The following SLC39A14 variants were observed in gnomAD, a reference collection of about 807,000 sequenced individuals.
SLC39A14 encodes solute carrier family 39 member 14, also known as metal cation symporter ZIP14.
In SLC39A14, 19 loss-of-function variants were observed where a neutral mutation model predicts 45.5. The ratio of observed to expected loss-of-function variants is 0.42; its 90% CI spans 0.29 to 0.61. The LOEUF (loss-of-function observed/expected upper bound fraction) is 0.61. SLC39A14 is among the 20% of genes least tolerant of loss of function. The pLI, the probability that SLC39A14 is intolerant of heterozygous loss-of-function variation, is 0.22. For missense variants in SLC39A14, 447 were observed against 616.5 expected, an observed-to-expected ratio of 0.73 and a Z score of 2.91; for synonymous variants, 264 against 251.3, an observed-to-expected ratio of 1.05 and a Z score of -0.48.
At chr8:22,414,593 A>G (rs1835764456) in intron 4 of SLC39A14, among the ~76,000 whole-genome samples, 187 bp from the exon 5 acceptor site, 1 of 152,212 alleles carries the variant, frequency 6.6e-6, no homozygotes. Flanking sequence ...TGGCAGGTTT[A>G]GTGATGTCAC....
At chr8:22,381,598 C>T (rs139940601) in intron 1 of SLC39A14, among the ~76,000 whole-genome samples, 82 of 152,270 alleles carry the variant, frequency 5.4e-4, no homozygotes, top group Admixed American at 1.9e-3. Context: ...CAAGAAAACA[C>T]GGCTGTATAT....
At chr8:22,415,056 T>G in intron 5 of SLC39A14, 154 bp downstream of exon 5, 1 of 923,562 alleles carries the variant, frequency 1.1e-6, no homozygotes, top group South Asian at 1.7e-5. Flanking sequence ...CCATTTCACC[T>G]CCTGAGGATA....
chr8:22,394,016 T>G (rs2132253502), intron 1 of SLC39A14, among the ~76,000 whole-genome samples: 1 of 151,142 alleles, frequency 6.6e-6, no homozygotes, highest in South Asian at 2.1e-4. Context: ...GGGTGTTTTT[T>G]TTTTTTTTTG....
intron 1 of SLC39A14, among the ~76,000 whole-genome samples, chr8:22,400,577 G>T (rs1834799370): frequency 6.6e-6 from 1 of 152,194 alleles, no homozygotes; most frequent in Non-Finnish European, 1.5e-5. Context: ...TCTCTTGGTG[G>T]AGATTTGAGA....
intron 1 of SLC39A14, among the ~76,000 whole-genome samples, chr8:22,387,268 G>C (rs1269176203): frequency 6.6e-6 from 1 of 152,030 alleles, no homozygotes; most frequent in Non-Finnish European, 1.5e-5. Context: ...CTTGCTGATG[G>C]GCTTTTGGGT....
At chr8:22,412,270 T>C in intron 4 of SLC39A14, 64 bp downstream of exon 4, 1 of 1,508,330 alleles carries the variant, frequency 6.6e-7, no homozygotes, top group Non-Finnish European at 9.0e-7. Context: ...GACCTCCGTT[T>C]GGATAGAAGG....
chr8:22,405,118 G>A (rs1400257835), intron 2 of SLC39A14, 138 bp downstream of exon 2: 5 of 722,126 alleles, frequency 6.9e-6, no homozygotes, highest in South Asian at 3.7e-5. Context: ...TGATAGAGTG[G>A]ACAGGCTGAT....
rs1832699243 is a variant in SLC39A14, at chr8:22,367,482, G to C, written c.-16+74G>C. 1.3e-5 allele frequency: 2 copies of C among 152,308 alleles called. No individual in the cohort carries two copies. The highest frequency in any genetic ancestry group is 4.1e-4 in the South Asian group (2 of 4,832). The allele number at this position is 152,308 out of a possible 1,614,324, so 9.4% of individuals were successfully genotyped here. ...CCCCGCACCCCAGGCTGGGGCAGTG[G>C]GTGGGGGCGGGGACAGCCCTGCGCC... On this transcript the variant is annotated intron_variant, in intron 1 of 8. Coordinates refer to ENST00000381237, the MANE Select transcript of SLC39A14 (RefSeq NM_001128431.4). This position sits in a 1 kb window ranked among gnomAD's most constrained non-coding sequence, Gnocchi z 4.2.
intron 4 of SLC39A14, among the ~76,000 whole-genome samples, chr8:22,413,716 T>C (rs747931031): frequency 3.9e-5 from 6 of 152,138 alleles, no homozygotes; most frequent in Non-Finnish European, 7.4e-5. Context: ...GGTAAATATA[T>C]ATACTTCCTA....
intron 3 of SLC39A14, 88 bp downstream of exon 3, chr8:22,408,584 C>CTGG: frequency 8.1e-7 from 1 of 1,231,744 alleles, no homozygotes; most frequent in Non-Finnish European, 1.1e-6. Flanking sequence ...CTGCTCCTCA[C>CTGG]TGAATGCCTC....
intron 1 of SLC39A14, among the ~76,000 whole-genome samples, chr8:22,387,217 A>G (rs1016786448): frequency 6.6e-6 from 1 of 150,996 alleles, no homozygotes; most frequent in Non-Finnish European, 1.5e-5. Flanking sequence ...TGGAGTGTCC[A>G]GTTGGTGTTA....
Position 22,422,485 on chromosome 8 carries a change from A to T in SLC39A14, c.*2787A>T, listed in dbSNP as rs183027446. 2 of 985,886 alleles carry T rather than the reference A, an allele frequency of 2.0e-6. No individual in the cohort carries two copies. Among genetic ancestry groups the T allele is most frequent in the East Asian group, 2.3e-4 (2 of 8,820 alleles). The allele number at this position is 985,886 out of a possible 1,614,324, so 61.1% of individuals were successfully genotyped here. A position where few individuals can be genotyped will look rare whatever the true frequency, so the allele number is the denominator to read the frequency against. ...ATATGCTGGGCATCTACTTTAAAACAAAGTTGTCTGATTTTTGCAAGAGAG... is the reference window on the plus strand; with the variant it reads ...ATATGCTGGGCATCTACTTTAAAACTAAGTTGTCTGATTTTTGCAAGAGAG... On this transcript the variant is annotated 3_prime_UTR_variant, in exon 9 of 9. Transcript: ENST00000381237.
At chr8:22,409,914 A>G (rs1408182019) in intron 3 of SLC39A14, 1 of 1,612,060 alleles carries the variant, frequency 6.2e-7, no homozygotes, top group Non-Finnish European at 8.5e-7. Context: ...CCTCAGTAAT[A>G]GAGGCCCTCG....
intron 8 of SLC39A14, among the ~76,000 whole-genome samples, chr8:22,433,600 G>A (rs1358889457): frequency 2.1e-5 from 3 of 143,928 alleles, no homozygotes; most frequent in Non-Finnish European, 4.5e-5. Flanking sequence ...CTGGAATGCA[G>A]TGATGCGATC....
At position 22,421,615 on chromosome 8, in the gene SLC39A14, C is replaced by A; in HGVS notation, c.*1917C>A. 2.0e-6 allele frequency: 2 copies of A among 985,606 alleles called. No homozygotes were observed. Among genetic ancestry groups the A allele is most frequent in the Non-Finnish European group, 2.4e-6 (2 of 829,852 alleles). The allele number at this position is 985,606 out of a possible 1,614,324, so 61.1% of individuals were successfully genotyped here. ...TCTTTGTCTTTTCTGTTTTATTTTT[C>A]TCAAGCTGCTTTCAGGAGCTAGCAG... On this transcript the variant is annotated 3_prime_UTR_variant, in exon 9 of 9. Coordinates refer to ENST00000381237, the MANE Select transcript of SLC39A14 (RefSeq NM_001128431.4).
rs1453209715 is a variant in SLC39A14, at chr8:22,406,188, C to A, written c.270+1208C>A. Among the ~76,000 whole-genome samples, 3 of 152,200 alleles carry A rather than the reference C, an allele frequency of 2.0e-5. No homozygotes were observed. In the East Asian group the frequency reaches 5.8e-4, roughly 29 times the overall value. ...GGGGTGCTGGGCACTGTGGCTCACG[C>A]CTGTAATCCCAGCACTTTGGGAGGC... On this transcript the variant is annotated intron_variant, in intron 2 of 8. Transcript: ENST00000381237.
intron 1 of SLC39A14, among the ~76,000 whole-genome samples, chr8:22,370,246 CCTT>C (rs1324215558): frequency 6.6e-6 from 1 of 152,116 alleles, no homozygotes; most frequent in East Asian, 1.9e-4. Context: ...ACCCTGCTTA[CCTT>C]CTTCCTCCTT....
chr8:22,383,538 C>T (rs922167731), intron 1 of SLC39A14, among the ~76,000 whole-genome samples: 5 of 152,312 alleles, frequency 3.3e-5, no homozygotes, highest in African/African-American at 7.2e-5. Flanking sequence ...TCTGTCCTTT[C>T]CTGGAAGCAG....
In SLC39A14 at chr8:22,419,854, A is replaced by C; in HGVS notation, c.*156A>C. On this transcript the variant is annotated 3_prime_UTR_variant, in exon 9 of 9. Transcript: ENST00000381237. ...GCATTCAAATGTCAGCCGTTTGTAAAATGCTGTATCCTAGGAATAAGCTGC... is the reference window on the plus strand; with the variant it reads ...GCATTCAAATGTCAGCCGTTTGTAACATGCTGTATCCTAGGAATAAGCTGC... 2.2e-6 allele frequency: 3 copies of C among 1,356,988 alleles called. No individual in the cohort carries two copies. The highest frequency in any genetic ancestry group is 2.8e-6 in the Non-Finnish European group (3 of 1,057,644). 84.1% of individuals were successfully genotyped at this position (1,356,988 alleles called of 1,614,324 possible).
Sources: allele counts gnomAD v4.1 joint callset (sites outside exome capture counted in the v4.1 genomes callset), GRCh38; gene constraint gnomAD v4.1.1; non-coding constraint Gnocchi (gnomAD v3.1); transcripts MANE v1.5; gene names NCBI Gene and HGNC (gene_info 2026-07-23, HGNC 2026-07-21).